GPM6A: variants seen among roughly 807,000 people sequenced by gnomAD.
The protein encoded by GPM6A is glycoprotein M6A.
GPM6A carries 7 observed loss-of-function variants against 32.1 expected under a neutral mutation model. The observed-to-expected ratio is 0.22, with a 90% CI of 0.12 to 0.41. The LOEUF (loss-of-function observed/expected upper bound fraction) is 0.41, where lower values mean the gene tolerates loss of function less well. Among genes scored for constraint, GPM6A ranks in the 10% least tolerant of loss-of-function variants. The pLI, the probability that GPM6A is intolerant of heterozygous loss-of-function variation, is 1.00. For missense variants in GPM6A, 235 were observed against 347.2 expected (o/e 0.68, Z 2.57); for synonymous variants, 130 against 123.4 (o/e 1.05, Z -0.35).
At chr4:175,702,820 A>G (rs1744954529) in intron 1 of GPM6A, among the ~76,000 whole-genome samples, 1 of 152,222 alleles carries the variant, frequency 6.6e-6, no homozygotes, top group South Asian at 2.1e-4. Context: ...ATCTGAATTC[A>G]TGTTATGTAG....
intron 2 of GPM6A, among the ~76,000 whole-genome samples, chr4:175,690,030 G>A (rs73020166): frequency 0.047 from 7,171 of 152,264 alleles, 203 homozygotes; most frequent in Non-Finnish European, 0.063. Context: ...CAACATGGCT[G>A]TTACGGGCTT....
chr4:175,947,362 TTAA>T (rs960149830), intron 1 of GPM6A, among the ~76,000 whole-genome samples: 12 of 152,058 alleles, frequency 7.9e-5, no homozygotes, highest in African/African-American at 2.7e-4. Flanking sequence ...AGACACTATC[TTAA>T]TAATATTTCT....
At chr4:175,639,020 G>T (rs542170360) in intron 6 of GPM6A, among the ~76,000 whole-genome samples, 20 of 152,080 alleles carry the variant, frequency 1.3e-4, no homozygotes, top group African/African-American at 4.3e-4. Flanking sequence ...AGCGTCTCAC[G>T]TTCTGAAACA....
At chr4:175,806,600 T>A (rs561731177) in intron 1 of GPM6A, among the ~76,000 whole-genome samples, 1 of 152,246 alleles carries the variant, frequency 6.6e-6, no homozygotes, top group African/African-American at 2.4e-5. Context: ...TAAAATGTTA[T>A]ATCTAAACCA....
At chr4:175,733,990 T>A (rs900031038) in intron 1 of GPM6A, among the ~76,000 whole-genome samples, 5 of 152,180 alleles carry the variant, frequency 3.3e-5, no homozygotes, top group Non-Finnish European at 7.4e-5. Context: ...CCCAATTTAA[T>A]GCTTTGTTCT....
intron 1 of GPM6A, among the ~76,000 whole-genome samples, chr4:175,921,900 T>C (rs911741918): frequency 6.6e-6 from 1 of 152,184 alleles, no homozygotes; most frequent in Non-Finnish European, 1.5e-5. Flanking sequence ...AGGATGGCTG[T>C]CCTTCTTCAG....
At chr4:175,706,044 C>T (rs970682013) in intron 1 of GPM6A, among the ~76,000 whole-genome samples, 2 of 152,054 alleles carry the variant, frequency 1.3e-5, no homozygotes, top group South Asian at 2.1e-4. Flanking sequence ...TAATACTGTG[C>T]CTTCAGCTTT....
chr4:175,809,363 A>G (rs1734822928), intron 1 of GPM6A, among the ~76,000 whole-genome samples: 1 of 151,684 alleles, frequency 6.6e-6, no homozygotes, highest in African/African-American at 2.4e-5. Flanking sequence ...ACCAAATTCA[A>G]AACACTCTTT....
At chr4:175,660,565 T>A (rs1359890716) in intron 3 of GPM6A, among the ~76,000 whole-genome samples, 3 of 152,160 alleles carry the variant, frequency 2.0e-5, no homozygotes, top group African/African-American at 7.2e-5. Context: ...AGGAAATATG[T>A]TGCTAAAAAA....
chr4:175,996,001 C>T (rs985860236), intron 1 of GPM6A, among the ~76,000 whole-genome samples: 1 of 152,138 alleles, frequency 6.6e-6, no homozygotes, highest in African/African-American at 2.4e-5. Flanking sequence ...AGTATTTACC[C>T]TTGTCTCCTC....
intron 1 of GPM6A, among the ~76,000 whole-genome samples, chr4:175,715,381 T>C (rs1051736000): frequency 6.6e-6 from 1 of 152,200 alleles, no homozygotes; most frequent in Non-Finnish European, 1.5e-5. Flanking sequence ...AGAAAGTGAA[T>C]AGGTCTGCGG....
chr4:175,943,659 T>C (rs1739489606), intron 1 of GPM6A, among the ~76,000 whole-genome samples: 1 of 152,186 alleles, frequency 6.6e-6, no homozygotes, highest in Non-Finnish European at 1.5e-5. Context: ...TGTCATTGGT[T>C]CTGTTTATGT....
intron 1 of GPM6A, among the ~76,000 whole-genome samples, chr4:175,986,118 A>C (rs958873323): frequency 1.3e-5 from 2 of 152,250 alleles, no homozygotes; most frequent in Admixed American, 1.3e-4. Flanking sequence ...ATTTTATTAA[A>C]TGCATTTTTT....
At chr4:175,826,822 GA>G (rs899782746) in intron 1 of GPM6A, among the ~76,000 whole-genome samples, 20 of 146,986 alleles carry the variant, frequency 1.4e-4, no homozygotes, top group East Asian at 1.2e-3. Context: ...AGCCTTTTAG[GA>G]AAAAAAAAAG....
At chr4:175,965,528 G>A (rs1403703646) in intron 1 of GPM6A, among the ~76,000 whole-genome samples, 2 of 151,460 alleles carry the variant, frequency 1.3e-5, no homozygotes, top group Non-Finnish European at 2.9e-5. Context: ...TCAATAAAAC[G>A]GATACACCTC....
intron 1 of GPM6A, among the ~76,000 whole-genome samples, chr4:175,769,020 G>A (rs367876362): frequency 3.3e-5 from 5 of 152,150 alleles, no homozygotes; most frequent in South Asian, 4.2e-4. Flanking sequence ...GCTTGAACCC[G>A]GGAGGTGGAG....
At chr4:175,778,264 T>G (rs1198182940) in intron 1 of GPM6A, among the ~76,000 whole-genome samples, 1 of 152,080 alleles carries the variant, frequency 6.6e-6, no homozygotes, top group African/African-American at 2.4e-5. Context: ...TAGAGTTGGG[T>G]ACTACTATTT....
At chr4:175,879,506 G>A (rs1737199476) in intron 1 of GPM6A, among the ~76,000 whole-genome samples, 1 of 152,176 alleles carries the variant, frequency 6.6e-6, no homozygotes, top group Non-Finnish European at 1.5e-5. Flanking sequence ...AGTGTCAAGT[G>A]AAAGGGGAAG....
intron 1 of GPM6A, among the ~76,000 whole-genome samples, chr4:175,936,230 C>G (rs192176596): frequency 7.2e-6 from 1 of 138,082 alleles, no homozygotes; most frequent in Admixed American, 7.8e-5. Context: ...GGCGTAAACC[C>G]GGGAGGCAGA....
Sources: gnomAD v4.1 joint callset for allele counts (sites outside exome capture counted in the v4.1 genomes callset) on GRCh38, gnomAD v4.1.1 for gene constraint, MANE v1.5 for transcripts, NCBI Gene and HGNC (gene_info 2026-07-23, HGNC 2026-07-21) for gene names.